MGAT4C: variants seen among roughly 807,000 people sequenced by gnomAD.
MGAT4C encodes MGAT4 family member C, also known as alpha-1,3-mannosyl-glycoprotein 4-beta-N-acetylglucosaminyltransferase C.
MGAT4C carries 19 observed loss-of-function variants against 40.1 expected under a neutral mutation model. The ratio of observed to expected loss-of-function variants is 0.47; its 90% CI spans 0.33 to 0.70. The LOEUF is 0.70. Among genes scored for constraint, MGAT4C ranks in the 30% least tolerant of loss-of-function variants. MGAT4C has a pLI of 0.02. For synonymous variants in MGAT4C, 181 were observed against 187.1 expected, an observed-to-expected ratio of 0.97 and a Z score of 0.27; for missense variants, 491 against 563.2, an observed-to-expected ratio of 0.87 and a Z score of 1.30.
chr12:86,522,784 C>T lies in MGAT4C; in HGVS notation c.-228-87519G>A, dbSNP rs113674204. On this transcript the variant is annotated intron_variant, in intron 2 of 7. Coordinates refer to the MGAT4C transcript ENST00000548651. ...CTGATTCAATTTTGGAGCTCATTAT[C>T]GGTGTGTTCAAGATTCAACTTCTTC... Among the ~76,000 whole-genome samples the T allele has an allele frequency of 4.2e-3, 631 of 152,040 alleles. 1 individual carries two copies. Among genetic ancestry groups the T allele is most frequent in the African/African-American group, 0.014 (594 of 41,494 alleles).
At chr12:86,538,752 C>T (rs1410996861) in intron 2 of MGAT4C, among the ~76,000 whole-genome samples, 10 of 151,658 alleles carry the variant, frequency 6.6e-5, no homozygotes, top group Admixed American at 2.0e-4. Flanking sequence ...GGACTACAGG[C>T]GCCCGCCACC....
intron 1 of MGAT4C, among the ~76,000 whole-genome samples, chr12:86,829,355 G>C (rs1404960946): frequency 6.6e-6 from 1 of 151,380 alleles, no homozygotes; most frequent in Non-Finnish European, 1.5e-5. Flanking sequence ...GCCTCTAAAA[G>C]TAGCTCCTAA....
intron 2 of MGAT4C, among the ~76,000 whole-genome samples, chr12:86,486,066 T>A (rs940362016): frequency 1.3e-5 from 2 of 151,904 alleles, no homozygotes; most frequent in Admixed American, 6.6e-5. Context: ...TTATAAAAGG[T>A]CCTTAAACAT....
intron 3 of MGAT4C, among the ~76,000 whole-genome samples, chr12:86,364,427 G>A (rs1955548555): frequency 1.3e-5 from 2 of 152,060 alleles, no homozygotes; most frequent in Admixed American, 6.6e-5. Context: ...TTTAGAGTTT[G>A]AGGTCTTACA....
intron 2 of MGAT4C, among the ~76,000 whole-genome samples, chr12:86,618,982 A>G (rs1232211073): frequency 1.3e-5 from 2 of 151,964 alleles, no homozygotes; most frequent in Non-Finnish European, 2.9e-5. Flanking sequence ...TAGAAAAATA[A>G]TAAAAGTAAC....
At chr12:86,063,106 T>G (rs2137009195) in intron 1 of MGAT4C, among the ~76,000 whole-genome samples, 1 of 151,826 alleles carries the variant, frequency 6.6e-6, no homozygotes, top group East Asian at 1.9e-4. Flanking sequence ...AAGGAAAAAA[T>G]GTTAAGGGCA....
intron 2 of MGAT4C, among the ~76,000 whole-genome samples, chr12:86,629,510 T>A (rs1442187225): frequency 2.6e-5 from 4 of 151,910 alleles, no homozygotes; most frequent in Non-Finnish European, 5.9e-5. Context: ...GAAGTAAAGC[T>A]CTCCTCAGAA....
chr12:86,253,473 G>C (rs1424511983), intron 1 of MGAT4C, among the ~76,000 whole-genome samples: 1 of 151,802 alleles, frequency 6.6e-6, no homozygotes, highest in African/African-American at 2.4e-5. Context: ...AACAAGTTAC[G>C]AATTATTAGT....
intron 2 of MGAT4C, among the ~76,000 whole-genome samples, chr12:85,992,823 G>A (rs1210444722): frequency 6.6e-6 from 1 of 152,206 alleles, no homozygotes; most frequent in Non-Finnish European, 1.5e-5. Flanking sequence ...GCCTTGCAGG[G>A]CAATTCGGAC....
intron 2 of MGAT4C, among the ~76,000 whole-genome samples, chr12:86,551,587 A>G (rs568689811): frequency 8.7e-4 from 132 of 152,288 alleles, no homozygotes; most frequent in African/African-American, 3.1e-3. Context: ...CCTGTGGTTC[A>G]CTGCCAGCAG....
chr12:86,676,543 A>T (rs78062272), intron 2 of MGAT4C, among the ~76,000 whole-genome samples: 4,282 of 152,258 alleles, frequency 0.028, 82 homozygotes, highest in Admixed American at 0.039. Flanking sequence ...ATTTTAAGGA[A>T]ATACTGATGC....
At chr12:86,071,481 T>A (rs948409490) in intron 1 of MGAT4C, among the ~76,000 whole-genome samples, 7 of 152,098 alleles carry the variant, frequency 4.6e-5, no homozygotes, top group Non-Finnish European at 7.4e-5. Flanking sequence ...CATCTGGCTA[T>A]TAACAGGTAG....
Position 85,979,528 on chromosome 12 carries a change from C to A in MGAT4C, c.1198G>T (p.Asp400Tyr). 6.2e-7 allele frequency: 1 copy of A among 1,612,212 alleles called. No homozygotes were observed. Among genetic ancestry groups the A allele is most frequent in the Non-Finnish European group, 8.5e-7 (1 of 1,178,826 alleles). ...KKIKVNTGTEDRQNDILHHGA... is the reference protein window; with the variant it reads ...KKIKVNTGTEYRQNDILHHGA... ...TGATGCAAAATATCATTTTGCCGAT[C>A]TTCTGTTCCAGTATTTACTTTAATT... is the stretch of plus-strand genomic sequence containing the variant. Residue 400 changes from aspartate to tyrosine, a missense_variant, in exon 5 of 5, where the codon GAT (aspartate) becomes TAT (tyrosine). Asp to Tyr is a radical substitution (Grantham distance 160, BLOSUM62 -3). Transcript: ENST00000611864.
intron 1 of MGAT4C, among the ~76,000 whole-genome samples, chr12:86,142,483 C>T (rs1882965316): frequency 6.6e-6 from 1 of 152,146 alleles, no homozygotes; most frequent in Admixed American, 6.6e-5. Flanking sequence ...ACATCAGAAT[C>T]TATTATCTGT....
rs1316383137 is a variant in MGAT4C, at chr12:86,399,110, A to G, written c.-120+36047T>C. Among the ~76,000 whole-genome samples, 15 of 152,128 alleles carry G rather than the reference A, an allele frequency of 9.9e-5. No individual in the cohort carries two copies. The East Asian group carries it at 2.7e-3, about 28-fold the overall frequency. Reference sequence around the variant, plus strand: ...CTCAGCCTCCCGAGTAGCTGGGACTACAGGCACCCACCACCGTGCCCGGCT... The same window carrying G: ...CTCAGCCTCCCGAGTAGCTGGGACTGCAGGCACCCACCACCGTGCCCGGCT... On this transcript the variant is annotated intron_variant, in intron 3 of 7. Transcript: ENST00000548651.
chr12:86,745,616 T>A (rs887451878), intron 1 of MGAT4C, among the ~76,000 whole-genome samples: 1 of 151,646 alleles, frequency 6.6e-6, no homozygotes, highest in Non-Finnish European at 1.5e-5. Flanking sequence ...GAAAACCAAA[T>A]TTTTAGCATG....
At chr12:86,612,672 G>A (rs180768466) in intron 2 of MGAT4C, among the ~76,000 whole-genome samples, 75 of 147,404 alleles carry the variant, frequency 5.1e-4, no homozygotes, top group African/African-American at 1.4e-3. Flanking sequence ...TCCGGGAAGC[G>A]AAGGCTGCAG....
At chr12:86,574,561 A>G (rs1201039972) in intron 2 of MGAT4C, among the ~76,000 whole-genome samples, 1 of 151,784 alleles carries the variant, frequency 6.6e-6, no homozygotes. Context: ...AAAATGTTTA[A>G]GATTAGTGAT....
At position 86,711,911 on chromosome 12, in the gene MGAT4C, G is replaced by C. The variant is rs73177482; in HGVS notation, c.-229+15298C>G. Among the ~76,000 whole-genome samples, 632 of 152,126 alleles carry C rather than the reference G, an allele frequency of 4.2e-3. 6 individuals are homozygous for C. Among genetic ancestry groups the C allele is most frequent in the South Asian group, 0.018 (87 of 4,816 alleles). On this transcript the variant is annotated intron_variant, in intron 2 of 7. Transcript: ENST00000548651. ...AACCATGATGACCTTTTAACTGTGG[G>C]GACTGTTTAACTGCACAGATCATAT...
Sources: allele counts gnomAD v4.1 joint callset (sites outside exome capture counted in the v4.1 genomes callset), GRCh38; gene constraint gnomAD v4.1.1; transcripts MANE v1.5; gene names NCBI Gene and HGNC (gene_info 2026-07-23, HGNC 2026-07-21).